Variants in RBFOX1 observed in about 807,000 individuals in gnomAD.
RBFOX1 encodes RNA binding protein fox-1 homolog 1.
RBFOX1 carries 8 observed loss-of-function variants against 57.7 expected under a neutral mutation model. The ratio of observed to expected loss-of-function variants is 0.14; its 90% CI spans 0.08 to 0.25. RBFOX1 has a LOEUF of 0.25. Among genes scored for constraint, RBFOX1 ranks in the 10% least tolerant of loss-of-function variants. The pLI is 1.00. For synonymous variants in RBFOX1, 326 were observed against 222.4 expected, an observed-to-expected ratio of 1.47 and a Z score of -4.15; for missense variants, 611 against 548.5, an observed-to-expected ratio of 1.11 and a Z score of -1.14.
intron 1 of RBFOX1, among the ~76,000 whole-genome samples, chr16:6,229,432 C>A (rs942228800): frequency 1.3e-5 from 2 of 152,172 alleles, no homozygotes; most frequent in Non-Finnish European, 2.9e-5. Flanking sequence ...TTTCCACCCT[C>A]CCTTTTGTTC....
intron 4 of RBFOX1, among the ~76,000 whole-genome samples, chr16:7,383,051 T>C (rs1023138236): frequency 1.3e-5 from 2 of 152,092 alleles, no homozygotes; most frequent in African/African-American, 4.8e-5. Context: ...AGAATTTTCT[T>C]TGGTATCTAA....
In RBFOX1 at chr16:7,353,938, G is replaced by A. The variant is rs181358666; in HGVS notation, c.28-164209G>A. On this transcript the variant is annotated intron_variant, in intron 4 of 15. Transcript: ENST00000550418. The stretch of plus-strand genomic sequence containing the variant: ...TTCATACACAGTTGTACAGTTTTGT[G>A]AATATGTTAAATAACACAGAATTGT... 1.3e-4 allele frequency among the ~76,000 whole-genome samples: 20 copies of A among 152,212 alleles called. No individual in the cohort carries two copies. In the East Asian group the frequency reaches 3.9e-3, roughly 29 times the overall value.
At chr16:6,955,837 C>A (rs1340116624) in intron 3 of RBFOX1, among the ~76,000 whole-genome samples, 1 of 152,008 alleles carries the variant, frequency 6.6e-6, no homozygotes, top group East Asian at 1.9e-4. Flanking sequence ...TCCTGAGTTG[C>A]TGGGATTATA....
chr16:5,629,322 A>C (rs1432690381), intron 3 of RBFOX1, among the ~76,000 whole-genome samples: 1 of 152,228 alleles, frequency 6.6e-6, no homozygotes, highest in Non-Finnish European at 1.5e-5. Context: ...CTAGTCGCTC[A>C]GAATGGATAC....
At chr16:6,934,643 A>G (rs907987799) in intron 3 of RBFOX1, among the ~76,000 whole-genome samples, 4 of 152,216 alleles carry the variant, frequency 2.6e-5, no homozygotes, top group African/African-American at 9.6e-5. Context: ...ACTCAAGCAC[A>G]GAAAGACAAG....
chr16:5,722,019 G>T (rs775298180), intron 3 of RBFOX1, among the ~76,000 whole-genome samples: 56 of 152,336 alleles, frequency 3.7e-4, no homozygotes, highest in Admixed American at 1.1e-3. Flanking sequence ...CCTGGGTTGG[G>T]CTCTAAGGAG....
chr16:6,950,793 C>G (rs898734525), intron 3 of RBFOX1, among the ~76,000 whole-genome samples: 2 of 152,288 alleles, frequency 1.3e-5, no homozygotes, highest in South Asian at 4.1e-4. Flanking sequence ...GCAGAATGCT[C>G]TATCACAACA....
intron 4 of RBFOX1, among the ~76,000 whole-genome samples, chr16:7,423,577 A>G (rs929234745): frequency 2.0e-5 from 3 of 152,184 alleles, no homozygotes; most frequent in East Asian, 1.9e-4. Context: ...CCCTCACACT[A>G]CTGGAAAGGA....
intron 3 of RBFOX1, among the ~76,000 whole-genome samples, chr16:6,805,817 G>T (rs1166948351): frequency 6.6e-6 from 1 of 152,138 alleles, no homozygotes; most frequent in East Asian, 1.9e-4. Context: ...TCGCTGCCCT[G>T]TTGTCCTCAG....
chr16:6,293,457 A>T (rs371390642), intron 1 of RBFOX1, among the ~76,000 whole-genome samples: 4 of 7,540 alleles, frequency 5.3e-4, no homozygotes, highest in African/African-American at 1.3e-3. Context: ...GTTATTCATT[A>T]TGATGAGATG....
At chr16:5,747,005 C>G (rs2053010888) in intron 3 of RBFOX1, among the ~76,000 whole-genome samples, 1 of 152,128 alleles carries the variant, frequency 6.6e-6, no homozygotes, top group Non-Finnish European at 1.5e-5. Flanking sequence ...AGAGGGCATC[C>G]CTGTCTTGTG....
chr16:7,479,357 C>T (rs2063415640), intron 4 of RBFOX1, among the ~76,000 whole-genome samples: 1 of 152,092 alleles, frequency 6.6e-6, no homozygotes, highest in Non-Finnish European at 1.5e-5. Context: ...TCTTGAACTC[C>T]TGGGCTCAGT....
chr16:7,334,713 A>G (rs1379929207), intron 4 of RBFOX1, among the ~76,000 whole-genome samples: 1 of 152,046 alleles, frequency 6.6e-6, no homozygotes, highest in African/African-American at 2.4e-5. Flanking sequence ...ACGAAATGCC[A>G]CTCTGGACGT....
At chr16:6,435,897 T>G (rs1320435173) in intron 2 of RBFOX1, among the ~76,000 whole-genome samples, 1 of 152,184 alleles carries the variant, frequency 6.6e-6, no homozygotes, top group Admixed American at 6.5e-5. Context: ...GAATGATCTG[T>G]GACACACACC....
intron 3 of RBFOX1, among the ~76,000 whole-genome samples, chr16:5,728,408 A>G (rs1428479593): frequency 2.0e-5 from 3 of 152,226 alleles, no homozygotes; most frequent in Non-Finnish European, 4.4e-5. Flanking sequence ...GTCTTGTGGA[A>G]GCATTTGCAT....
chr16:7,532,763 C>G (rs2080440645), intron 5 of RBFOX1, among the ~76,000 whole-genome samples: 1 of 152,160 alleles, frequency 6.6e-6, no homozygotes, highest in South Asian at 2.1e-4. Context: ...CACATATTGC[C>G]TATGGCTGCT....
rs80107523 is a variant in RBFOX1 at position 6,232,308 on chromosome 16, G to A, written c.-126-84687G>A. 8.7e-4 allele frequency among the ~76,000 whole-genome samples: 132 copies of A among 152,278 alleles called. 4 individuals carry two copies. The East Asian group carries it at 0.018, about 21-fold the overall frequency. ...GTGTCACTGAGCAGAATGCTTAAGG[G>A]CTATTTATGGAATTAGGGCTGGAAA... On this transcript the variant is annotated intron_variant, in intron 1 of 15. Transcript: ENST00000550418.
chr16:5,705,765 G>A (rs2051221959), intron 3 of RBFOX1, among the ~76,000 whole-genome samples: 1 of 152,180 alleles, frequency 6.6e-6, no homozygotes, highest in South Asian at 2.1e-4. Context: ...AGATCACTCT[G>A]TCATTCTCCT....
At chr16:6,132,330 T>A (rs2096635545) in intron 1 of RBFOX1, among the ~76,000 whole-genome samples, 1 of 152,202 alleles carries the variant, frequency 6.6e-6, no homozygotes. Context: ...ACTTGTCCAT[T>A]GTTTCTTCTA....
Sources: allele counts gnomAD v4.1 joint callset (sites outside exome capture counted in the v4.1 genomes callset), GRCh38; gene constraint gnomAD v4.1.1; transcripts MANE v1.5; gene names NCBI Gene and HGNC (gene_info 2026-07-23, HGNC 2026-07-21).